MAP2K5: variants seen among roughly 807,000 people sequenced by gnomAD.
The protein encoded by MAP2K5 is dual specificity mitogen-activated protein kinase kinase 5.
A neutral mutation model predicts 83.1 loss-of-function variants in MAP2K5; 49 were observed. The observed-to-expected ratio is 0.59, with a 90% confidence interval of 0.47 to 0.75. The LOEUF is 0.75. Ranked by LOEUF, MAP2K5 falls within the 30% of genes least tolerant of loss-of-function variation. The pLI is 0.00. For synonymous variants in MAP2K5, 202 were observed against 191.8 expected (o/e 1.05, Z -0.44); for missense variants, 457 against 557.5 (o/e 0.82, Z 1.82).
chr15:67,766,840 G>A (rs193191894), intron 19 of MAP2K5, among the ~76,000 whole-genome samples: 4 of 152,248 alleles, frequency 2.6e-5, no homozygotes, highest in South Asian at 2.1e-4. Flanking sequence ...CTCAGAAAAC[G>A]CCTTTGCCCA....
In MAP2K5 at chr15:67,778,265, G is replaced by A. The variant is rs1388047086; in HGVS notation, c.1242+5513G>A. Among the ~76,000 whole-genome samples the A allele has an allele frequency of 2.0e-5, 3 of 152,216 alleles. No homozygotes were observed. Among genetic ancestry groups the A allele is most frequent in the Non-Finnish European group, 4.4e-5 (3 of 68,036 alleles). ...TGTAATTACATTTTCAGATAGTATGGTTGGTTGTTCTCTCAATTAATCAAG... is the reference window on the plus strand; with the variant it reads ...TGTAATTACATTTTCAGATAGTATGATTGGTTGTTCTCTCAATTAATCAAG... On this transcript the variant is annotated intron_variant, in intron 21 of 21. Coordinates refer to ENST00000178640, the MANE Select transcript of MAP2K5 (RefSeq NM_145160.3). The surrounding 1 kb of genome is among the most constrained non-coding windows in gnomAD (Gnocchi z 5.0).
In MAP2K5 at chr15:67,804,928, C is replaced by T. The variant is rs147686170; in HGVS notation, c.1243-1718C>T. On this transcript the variant is annotated intron_variant, in intron 21 of 21. Transcript: ENST00000178640. ...AACACTTGGAAGCCAAAATCCAGTC[C>T]TTCCTGGGCCTCTCCTGCTCAGGCC... Among the ~76,000 whole-genome samples, 472 of 152,314 alleles carry T rather than the reference C, an allele frequency of 3.1e-3. 2 individuals are homozygous for T. The highest frequency in any genetic ancestry group is 0.011 in the African/African-American group (457 of 41,568).
intron 4 of MAP2K5, among the ~76,000 whole-genome samples, chr15:67,584,289 G>A (rs1303422299): frequency 1.3e-5 from 2 of 152,182 alleles, no homozygotes; most frequent in Non-Finnish European, 2.9e-5. Flanking sequence ...AGTCAATTGA[G>A]GAGTGAGGCA....
rs2090100143 is a variant in MAP2K5 at position 67,769,427 on chromosome 15, T to A, written c.1135-175T>A. Among the ~76,000 whole-genome samples, 1 of 152,226 alleles carries A rather than the reference T, an allele frequency of 6.6e-6. No individual in the cohort carries two copies. Among genetic ancestry groups the A allele is most frequent in the South Asian group, 2.1e-4 (1 of 4,830 alleles). On this transcript the variant is annotated intron_variant, in intron 19 of 21. Coordinates refer to ENST00000178640, the MANE Select transcript of MAP2K5 (RefSeq NM_145160.3). The surrounding 1 kb of genome is among the most constrained non-coding windows in gnomAD (Gnocchi z 5.2). ...TTGTAAAATATGTGTGGCTTTAAAT[T>A]TGGCATCTTTACCTAAATGTGTGGA...
At chr15:67,581,212 G>A (rs989169383) in intron 4 of MAP2K5, among the ~76,000 whole-genome samples, 12 of 152,182 alleles carry the variant, frequency 7.9e-5, no homozygotes, top group African/African-American at 2.4e-4. Flanking sequence ...GCACAGAAGC[G>A]AAGATTTACT....
intron 15 of MAP2K5, among the ~76,000 whole-genome samples, chr15:67,695,788 A>G (rs552908423): frequency 6.6e-6 from 1 of 152,234 alleles, no homozygotes; most frequent in Non-Finnish European, 1.5e-5. Flanking sequence ...GATGAATGTG[A>G]TGCATCCATC....
chr15:67,589,864 T>C (rs191586816), intron 6 of MAP2K5, among the ~76,000 whole-genome samples: 235 of 152,218 alleles, frequency 1.5e-3, no homozygotes, highest in Middle Eastern at 3.4e-3. Flanking sequence ...TAGAGGTCTG[T>C]ATTTTAGTAT....
chr15:67,751,357 A>G (rs2089714365), intron 19 of MAP2K5, among the ~76,000 whole-genome samples: 1 of 152,210 alleles, frequency 6.6e-6, no homozygotes, highest in Non-Finnish European at 1.5e-5. Flanking sequence ...TGGCTAGCTC[A>G]GGTATAAGTG....
At chr15:67,571,496 G>A (rs536298527) in intron 3 of MAP2K5, among the ~76,000 whole-genome samples, 12 of 152,108 alleles carry the variant, frequency 7.9e-5, no homozygotes, top group African/African-American at 2.4e-4. Context: ...TATCTCAGTC[G>A]CCTTGTTTTA....
chr15:67,625,246 A>G (rs972279257), intron 8 of MAP2K5, among the ~76,000 whole-genome samples: 2 of 152,188 alleles, frequency 1.3e-5, no homozygotes, highest in African/African-American at 4.8e-5. Flanking sequence ...GTTATTTTAA[A>G]TATTTGAAAA....
intron 4 of MAP2K5, among the ~76,000 whole-genome samples, chr15:67,584,552 A>C (rs997930751): frequency 2.0e-5 from 3 of 152,174 alleles, no homozygotes; most frequent in African/African-American, 7.2e-5. Flanking sequence ...GCAAGTAAAA[A>C]CATTTTGTTA....
intron 2 of MAP2K5, among the ~76,000 whole-genome samples, chr15:67,558,397 A>T (rs1229080255): frequency 1.3e-5 from 2 of 152,174 alleles, no homozygotes; most frequent in East Asian, 1.9e-4. Context: ...GGCCACCATC[A>T]TCTCTCACCG....
At chr15:67,710,035 A>C (rs2088652848) in intron 16 of MAP2K5, among the ~76,000 whole-genome samples, 1 of 151,918 alleles carries the variant, frequency 6.6e-6, no homozygotes, top group African/African-American at 2.4e-5. Context: ...CCTGCCCCCC[A>C]CCCTTTTTTA....
chr15:67,753,671 A>T lies in MAP2K5; in HGVS notation c.1134+5070A>T, dbSNP rs574722886. Among the ~76,000 whole-genome samples the T allele has an allele frequency of 4.9e-3, 709 of 143,454 alleles. 6 individuals are homozygous for T. The highest frequency in any genetic ancestry group is 9.2e-3 in the Non-Finnish European group (599 of 65,258). 94.1% of individuals were successfully genotyped at this position (143,454 alleles called of 152,430 possible). ...CATGCCCACTAGGATGGCTGTAATT[A>T]AAAAAAAAAGAAAAGAAAAACAGAA... is the stretch of plus-strand genomic sequence containing the variant. On this transcript the variant is annotated intron_variant, in intron 19 of 21. Transcript: ENST00000178640.
chr15:67,756,626 T>C, intron 19 of MAP2K5, among the ~76,000 whole-genome samples: 1 of 151,276 alleles, frequency 6.6e-6, no homozygotes, highest in Non-Finnish European at 1.5e-5. Context: ...TTATTAATTA[T>C]ACTCACCATG....
rs192797120 is a variant in MAP2K5, at chr15:67,593,715, A to G, written c.480+741A>G. Among the ~76,000 whole-genome samples, 192 of 152,372 alleles carry G rather than the reference A, an allele frequency of 1.3e-3. 2 individuals carry two copies. The highest frequency in any genetic ancestry group is 9.6e-3 in the Admixed American group (147 of 15,310). ...CTGTCCATTGCGATCAAGCCTGCCTATTAGGCTGTATTGACTGAGACATCT... is the reference window on the plus strand; with the variant it reads ...CTGTCCATTGCGATCAAGCCTGCCTGTTAGGCTGTATTGACTGAGACATCT... On this transcript the variant is annotated intron_variant, in intron 7 of 21. Transcript: ENST00000178640.
chr15:67,576,734 A>G lies in MAP2K5; in HGVS notation c.253-4020A>G, dbSNP rs1321136358. Among the ~76,000 whole-genome samples, 3 of 147,286 alleles carry G rather than the reference A, an allele frequency of 2.0e-5. 1 individual carries two copies. The highest frequency in any genetic ancestry group is 4.9e-5 in the African/African-American group (2 of 40,636). On this transcript the variant is annotated intron_variant, in intron 3 of 21. Coordinates refer to ENST00000178640, the MANE Select transcript of MAP2K5 (RefSeq NM_145160.3). ...ATTCAGTTTGGACACAATATTTCAT[A>G]CTCTATATAATTATTTCTGCATTTT...
rs1034282224 is a variant in MAP2K5 at position 67,660,183 on chromosome 15, A to C, written c.798+1569A>C. 2.9e-3 allele frequency among the ~76,000 whole-genome samples: 16 copies of C among 5,562 alleles called. 1 individual carries two copies. In the Admixed American group the frequency reaches 0.068, roughly 24 times the overall value. The allele number at this position is 5,562 out of a possible 152,430, so 3.6% of individuals were successfully genotyped here. ...ACTACTTACAGCTGGAGTAGAAGAAATGTTTTTTAATAATTTTGCTCTTTG... is the reference window on the plus strand; with the variant it reads ...ACTACTTACAGCTGGAGTAGAAGAACTGTTTTTTAATAATTTTGCTCTTTG... On this transcript the variant is annotated intron_variant, in intron 12 of 21. Coordinates refer to ENST00000178640, the MANE Select transcript of MAP2K5 (RefSeq NM_145160.3).
intron 19 of MAP2K5, among the ~76,000 whole-genome samples, chr15:67,766,410 A>T (rs1223950850): frequency 1.3e-5 from 2 of 152,252 alleles, no homozygotes; most frequent in African/African-American, 4.8e-5. Context: ...GTCAGCCAGT[A>T]CTGAGAATTC....
Sources: allele counts gnomAD v4.1 joint callset (sites outside exome capture counted in the v4.1 genomes callset), GRCh38; gene constraint gnomAD v4.1.1; non-coding constraint Gnocchi (gnomAD v3.1); transcripts MANE v1.5; gene names NCBI Gene and HGNC (gene_info 2026-07-23, HGNC 2026-07-21).